Variants in ASIP observed in about 807,000 individuals in gnomAD.
The protein encoded by ASIP is agouti-signaling protein.
A neutral mutation model predicts 10.3 loss-of-function variants in ASIP; 11 were observed. That is an observed-to-expected ratio of 1.07 (90% CI 0.68 to 1.78). ASIP has a LOEUF of 1.78. Among genes scored for constraint, ASIP ranks in the 40% most tolerant of loss-of-function variants. ASIP has a pLI of 0.00. For synonymous variants in ASIP, 70 were observed against 70.8 expected (o/e 0.99, Z 0.06); for missense variants, 180 against 169.2 (o/e 1.06, Z -0.35).
chr20:34,221,555 A>G (rs1341684251), intron 1 of ASIP, among the ~76,000 whole-genome samples: 1 of 152,202 alleles, frequency 6.6e-6, no homozygotes, highest in Non-Finnish European at 1.5e-5. Context: ...TGGAAAGCAT[A>G]TGTAGCATAG....
At chr20:34,259,578 T>C (rs1185681467) in intron 1 of ASIP, among the ~76,000 whole-genome samples, 1 of 151,788 alleles carries the variant, frequency 6.6e-6, no homozygotes, top group Admixed American at 6.6e-5. Context: ...AAATCCTGTC[T>C]CTACAAAAAA....
intron 1 of ASIP, chr20:34,214,426 C>T (rs2034994232): frequency 6.7e-7 from 1 of 1,491,194 alleles, no homozygotes; most frequent in Admixed American, 1.7e-5. Context: ...CGCATCATAC[C>T]CTGCAAAGCA....
chr20:34,204,029 T>C (rs1020587844), intron 1 of ASIP, among the ~76,000 whole-genome samples: 3 of 152,224 alleles, frequency 2.0e-5, no homozygotes, highest in African/African-American at 4.8e-5. Flanking sequence ...CGGCCATAAA[T>C]GGCATATTTT....
intron 1 of ASIP, among the ~76,000 whole-genome samples, chr20:34,205,860 G>A (rs536851345): frequency 2.6e-5 from 4 of 151,704 alleles, no homozygotes; most frequent in African/African-American, 9.7e-5. Flanking sequence ...CCTTTAGCTA[G>A]ACACAGAGTG....
chr20:34,191,866 A>G (rs1308990569), upstream of ASIP, among the ~76,000 whole-genome samples: 1 of 151,324 alleles, frequency 6.6e-6, no homozygotes, highest in Non-Finnish European at 1.5e-5. Context: ...AGTAGCTGGG[A>G]TTACAGGTGC....
In ASIP at chr20:34,265,580, T is replaced by C. The variant is rs188439976; in HGVS notation, c.222+2687T>C. On this transcript the variant is annotated intron_variant, in intron 3 of 3. Transcript: ENST00000374954. ...AGAGTTTGTGCCCCTAACCCCTGCA[T>C]TGTTCAAGGGTCAACTGTATATAAT... Among the ~76,000 whole-genome samples, 91 of 152,236 alleles carry C rather than the reference T, an allele frequency of 6.0e-4. No individual in the cohort carries two copies. In the Middle Eastern group the frequency reaches 0.014, roughly 23 times the overall value.
upstream of ASIP, among the ~76,000 whole-genome samples, chr20:34,191,270 A>C (rs996690016): frequency 6.6e-6 from 1 of 152,174 alleles, no homozygotes; most frequent in Non-Finnish European, 1.5e-5. Context: ...GAGCTTACAC[A>C]TACTGGGGGG....
intron 1 of ASIP, among the ~76,000 whole-genome samples, chr20:34,200,338 C>T (rs1208306109): frequency 4.6e-5 from 7 of 152,076 alleles, no homozygotes; most frequent in Admixed American, 2.0e-4. Context: ...TTTATTCTGC[C>T]GATTAAGAAA....
intron 1 of ASIP, among the ~76,000 whole-genome samples, chr20:34,212,368 GC>G: frequency 6.6e-6 from 1 of 152,184 alleles, no homozygotes; most frequent in East Asian, 1.9e-4. Context: ...ACACATTCAT[GC>G]ACACACACAT....
chr20:34,235,477 G>A (rs930176768), intron 1 of ASIP, among the ~76,000 whole-genome samples: 1 of 151,676 alleles, frequency 6.6e-6, no homozygotes, highest in Non-Finnish European at 1.5e-5. Context: ...TTCACTGAAG[G>A]CAATGAGACT....
At chr20:34,213,118 G>A (rs910730432) in intron 1 of ASIP, among the ~76,000 whole-genome samples, 3 of 152,322 alleles carry the variant, frequency 2.0e-5, no homozygotes, top group African/African-American at 4.8e-5. Context: ...CTTGTGAATA[G>A]ACCTAATGCT....
intron 1 of ASIP, among the ~76,000 whole-genome samples, chr20:34,224,374 A>G (rs1438710774): frequency 6.6e-6 from 1 of 151,302 alleles, no homozygotes; most frequent in Admixed American, 6.6e-5. Context: ...AGACTGCCAG[A>G]CTGTTCTCTC....
At chr20:34,245,186 T>C (rs932258638) in intron 1 of ASIP, among the ~76,000 whole-genome samples, 5 of 150,994 alleles carry the variant, frequency 3.3e-5, no homozygotes, top group African/African-American at 9.7e-5. Context: ...ATACAAAAAT[T>C]AGCTGGGCGT....
chr20:34,214,557 A>G (rs1184940656), intron 1 of ASIP: 15 of 1,485,100 alleles, frequency 1.0e-5, no homozygotes, highest in South Asian at 7.9e-5. Flanking sequence ...TAGTCTGCCA[A>G]TTCTGCAGTG....
chr20:34,236,078 AAGAG>A (rs764272946), intron 1 of ASIP, among the ~76,000 whole-genome samples: 1 of 138,544 alleles, frequency 7.2e-6, no homozygotes, highest in African/African-American at 2.8e-5. Context: ...AAGAAAGAGA[AAGAG>A]AAGGAAGGAA....
intron 1 of ASIP, among the ~76,000 whole-genome samples, chr20:34,235,299 G>A (rs1280674219): frequency 6.6e-6 from 1 of 152,164 alleles, no homozygotes; most frequent in Non-Finnish European, 1.5e-5. Context: ...AATTAGCCAG[G>A]CGAGGTGGCA....
At chr20:34,230,835 A>AC in intron 1 of ASIP, among the ~76,000 whole-genome samples, 1 of 30,540 alleles carries the variant, frequency 3.3e-5, no homozygotes. Flanking sequence ...CACTTCCCAG[A>AC]TGGGGTGGCT....
chr20:34,193,381 G>T (rs2034836304), upstream of ASIP, among the ~76,000 whole-genome samples: 1 of 152,002 alleles, frequency 6.6e-6, no homozygotes, highest in Non-Finnish European at 1.5e-5. Context: ...TCCCAGAGAG[G>T]TATGTAATAA....
At chr20:34,201,048 CTTTCTTTCTTTCTTTT>C (rs2034895368) in intron 1 of ASIP, among the ~76,000 whole-genome samples, 2 of 107,364 alleles carry the variant, frequency 1.9e-5, no homozygotes, top group African/African-American at 6.2e-5. Context: ...TTCTTTCTTT[CTTTCTTTCTTTCTTTT>C]TTTTCCTCCA....
Sources: gnomAD v4.1 joint callset for allele counts (sites outside exome capture counted in the v4.1 genomes callset) on GRCh38, gnomAD v4.1.1 for gene constraint, MANE v1.5 for transcripts, NCBI Gene and HGNC (gene_info 2026-07-23, HGNC 2026-07-21) for gene names.